CCDC141: variants seen among roughly 807,000 people sequenced by gnomAD.
The protein encoded by CCDC141 is coiled-coil domain-containing protein 141.
Under a neutral mutation model 181.0 loss-of-function variants are expected in CCDC141, and 168 were observed. The observed-to-expected ratio is 0.93, with a 90% CI of 0.82 to 1.05. CCDC141 has a LOEUF of 1.05. CCDC141 is among the 50% of genes least tolerant of loss of function. CCDC141 has a pLI of 0.00. For synonymous variants in CCDC141, 666 were observed against 642.3 expected (o/e 1.04, Z -0.56); for missense variants, 1,902 against 1,788.5 (o/e 1.06, Z -1.14).
At chr2:178,861,181 C>A (rs1052125922) in intron 17 of CCDC141, among the ~76,000 whole-genome samples, 2 of 144,654 alleles carry the variant, frequency 1.4e-5, no homozygotes, top group Non-Finnish European at 3.0e-5. Flanking sequence ...TTTTTTTTTT[C>A]TTTTCAATAG....
intron 1 of CCDC141, 27 bp downstream of exon 1, chr2:179,049,813 A>C (rs1300546295): frequency 6.5e-7 from 1 of 1,550,368 alleles, no homozygotes; most frequent in South Asian, 1.2e-5. Flanking sequence ...CCACAGCCGC[A>C]CAGAAAAAAG....
chr2:178,869,153 C>CAGGAT lies in CCDC141; in HGVS notation c.2353_2357dup (p.Tyr787SerfsTer27). On this transcript the variant is annotated frameshift_variant, in exon 15 of 24. Transcript: ENST00000443758. LOFTEE classifies it high-confidence loss of function. ...CTTGATGGAACTGGACCACCTTGTA[C>CAGGAT]AGGATATCCTCGTAATCCTGGATTC... The CAGGAT allele has an allele frequency of 6.2e-7, 1 of 1,611,686 alleles. No homozygotes were observed. Among genetic ancestry groups the CAGGAT allele is most frequent in the South Asian group, 1.1e-5 (1 of 90,396 alleles).
chr2:178,884,810 T>C (rs1686801887), intron 11 of CCDC141, 91 bp downstream of exon 11: 3 of 1,025,198 alleles, frequency 2.9e-6, no homozygotes, highest in South Asian at 3.2e-5. Context: ...GATATGGACC[T>C]ACCCACCAAG....
At chr2:179,014,137 T>C (rs1486041153) in intron 2 of CCDC141, among the ~76,000 whole-genome samples, 1 of 151,982 alleles carries the variant, frequency 6.6e-6, no homozygotes, top group Non-Finnish European at 1.5e-5. Context: ...AGCCAACTGA[T>C]CTTCGACAAA....
intron 17 of CCDC141, among the ~76,000 whole-genome samples, chr2:178,857,500 T>C (rs542972205): frequency 7.2e-5 from 11 of 152,242 alleles, no homozygotes; most frequent in Non-Finnish European, 1.2e-4. Flanking sequence ...TAGCTATACA[T>C]AGGGGATAGA....
At chr2:178,815,383 C>T in the CCDC141 span, among the ~76,000 whole-genome samples, 1 of 152,140 alleles carries the variant, frequency 6.6e-6, no homozygotes, top group African/African-American at 2.4e-5. Flanking sequence ...ATCTCTAGGC[C>T]TTCACTTTGG....
intron 2 of CCDC141, among the ~76,000 whole-genome samples, chr2:178,985,137 G>A (rs11898987): frequency 0.92 from 138,642 of 150,616 alleles, 63,885 homozygotes; most frequent in East Asian, 0.95. Context: ...CAGTGCAATC[G>A]AACTAGAACT....
chr2:178,932,237 C>G (rs1202176465), intron 6 of CCDC141, among the ~76,000 whole-genome samples: 1 of 152,162 alleles, frequency 6.6e-6, no homozygotes, highest in Non-Finnish European at 1.5e-5. Flanking sequence ...ATCTTCACAA[C>G]AAACTCTGTA....
At chr2:179,010,050 T>C (rs1575339283) in intron 2 of CCDC141, among the ~76,000 whole-genome samples, 1 of 152,016 alleles carries the variant, frequency 6.6e-6, no homozygotes, top group Non-Finnish European at 1.5e-5. Context: ...AAGAAAGAAA[T>C]TCAGAGCTCA....
At chr2:178,845,127 T>G (rs1684880430) in intron 22 of CCDC141, among the ~76,000 whole-genome samples, 1 of 152,220 alleles carries the variant, frequency 6.6e-6, no homozygotes, top group South Asian at 2.1e-4. Flanking sequence ...ATTCTATGGT[T>G]TGATAAATGT....
At chr2:178,950,700 A>T (rs1351775832) in intron 5 of CCDC141, among the ~76,000 whole-genome samples, 7 of 152,162 alleles carry the variant, frequency 4.6e-5, no homozygotes, top group Non-Finnish European at 1.5e-5. Context: ...GAATTACTGA[A>T]ATCAACTGGA....
intron 4 of CCDC141, among the ~76,000 whole-genome samples, chr2:178,972,939 A>T (rs1260644608): frequency 6.6e-6 from 1 of 152,198 alleles, no homozygotes; most frequent in Non-Finnish European, 1.5e-5. Context: ...AAATAAAGTG[A>T]CTATTAGGGG....
At chr2:178,820,095 G>A in the CCDC141 span, among the ~76,000 whole-genome samples, 2 of 152,164 alleles carry the variant, frequency 1.3e-5, no homozygotes, top group Non-Finnish European at 2.9e-5. Context: ...ATTTCCTGCA[G>A]TTTATGTTCC....
chr2:178,916,191 T>A (rs1688439561), intron 7 of CCDC141, among the ~76,000 whole-genome samples: 1 of 152,204 alleles, frequency 6.6e-6, no homozygotes, highest in Non-Finnish European at 1.5e-5. Context: ...CGAAGTGAAT[T>A]TTCAAGAGGA....
intron 12 of CCDC141, chr2:178,874,572 A>G (rs1575157144): frequency 4.6e-5 from 7 of 152,366 alleles, no homozygotes; most frequent in Admixed American, 4.6e-4. Context: ...TGGGGTAGCC[A>G]GTGGCAGAGC....
intron 2 of CCDC141, among the ~76,000 whole-genome samples, chr2:179,028,726 T>C (rs1397447543): frequency 6.6e-6 from 1 of 152,214 alleles, no homozygotes; most frequent in African/African-American, 2.4e-5. Flanking sequence ...TATCAAAATA[T>C]ATTATAGAAA....
intron 6 of CCDC141, among the ~76,000 whole-genome samples, chr2:178,941,058 T>C (rs181569072): frequency 7.9e-5 from 12 of 152,342 alleles, no homozygotes; most frequent in African/African-American, 2.9e-4. Flanking sequence ...ATTTCTTTCC[T>C]ACAGAATGGC....
In CCDC141 at chr2:179,049,964, T is replaced by A; in HGVS notation, c.-23A>T. 6.5e-7 allele frequency: 1 copy of A among 1,550,362 alleles called. No homozygotes were observed. The highest frequency in any genetic ancestry group is 8.7e-7 in the Non-Finnish European group (1 of 1,146,792). Reference sequence around the variant, plus strand: ...CATGGTACTTTAGAACCAGAGTTTATACTTTGGGCAGCCTCTGGACAGTTG... The same window carrying A: ...CATGGTACTTTAGAACCAGAGTTTAAACTTTGGGCAGCCTCTGGACAGTTG... On this transcript the variant is annotated 5_prime_UTR_variant, in exon 1 of 24. Coordinates refer to ENST00000443758, the MANE Select transcript of CCDC141 (RefSeq NM_173648.4).
chr2:178,873,377 CATT>C (rs907795721), intron 12 of CCDC141: 2 of 151,934 alleles, frequency 1.3e-5, no homozygotes. Flanking sequence ...TATATTCCCT[CATT>C]ATTAATAATG....
Sources: gnomAD v4.1 joint callset for allele counts (sites outside exome capture counted in the v4.1 genomes callset) on GRCh38, gnomAD v4.1.1 for gene constraint, MANE v1.5 for transcripts, NCBI Gene and HGNC (gene_info 2026-07-23, HGNC 2026-07-21) for gene names.